Variants in SRP72 observed in about 807,000 individuals in gnomAD.
SRP72 encodes signal recognition particle subunit SRP72.
Under a neutral mutation model 96.3 loss-of-function variants are expected in SRP72, and 49 were observed. The observed-to-expected ratio is 0.51, with a 90% CI of 0.40 to 0.65. SRP72 has a LOEUF of 0.65. Among genes scored for constraint, SRP72 ranks in the 30% least tolerant of loss-of-function variants. The pLI is 0.00. For missense variants in SRP72, 736 were observed against 793.3 expected, an observed-to-expected ratio of 0.93 and a Z score of 0.87; for synonymous variants, 267 against 275.2, an observed-to-expected ratio of 0.97 and a Z score of 0.30.
Position 56,500,506 on chromosome 4 carries a change from A to C in SRP72, c.1679-30A>C, listed in dbSNP as rs201158077. On this transcript the variant is annotated intron_variant, in intron 17 of 18. Coordinates refer to ENST00000642900, the MANE Select transcript of SRP72 (RefSeq NM_006947.4). ...AACTATCTTGAAAATATTATGACACATCTCTCATTTCTTTATAATCGTTAT... is the reference window on the plus strand; with the variant it reads ...AACTATCTTGAAAATATTATGACACCTCTCTCATTTCTTTATAATCGTTAT... The C allele has an allele frequency of 1.6e-5, 26 of 1,601,986 alleles. No homozygotes were observed. The East Asian group carries it at 5.8e-4, about 36-fold the overall frequency.
In SRP72 at chr4:56,492,053, C is replaced by T. The variant is rs576533614; in HGVS notation, c.1640+485C>T. ...AGGGTTTCACCCTTTTGACCAGGTT[C>T]GTCTTGAACTCCTGACCTCAAGTGA... On this transcript the variant is annotated intron_variant, in intron 16 of 18. Transcript: ENST00000642900. Among the ~76,000 whole-genome samples, 7 of 152,220 alleles carry T rather than the reference C, an allele frequency of 4.6e-5. No homozygotes were observed. The South Asian group carries it at 6.2e-4, about 14-fold the overall frequency.
intron 3 of SRP72, among the ~76,000 whole-genome samples, chr4:56,472,399 G>T (rs577592055): frequency 6.8e-6 from 1 of 147,128 alleles, no homozygotes; most frequent in Admixed American, 6.9e-5. Flanking sequence ...AGGCTGGAGT[G>T]CAGTGGCACT....
chr4:56,499,704 G>A (rs1258701701), intron 17 of SRP72, among the ~76,000 whole-genome samples: 1 of 152,130 alleles, frequency 6.6e-6, no homozygotes, highest in Middle Eastern at 3.2e-3. Context: ...TCATTAAAAA[G>A]TCAGGAAACA....
intron 3 of SRP72, 95 bp from the exon 4 acceptor site, chr4:56,473,959 G>T: frequency 8.1e-7 from 1 of 1,236,100 alleles, no homozygotes; most frequent in Middle Eastern, 2.3e-4. Context: ...GCTGAACTAG[G>T]ATTCCTACTT....
chr4:56,500,713 A>T lies in SRP72; in HGVS notation c.1838+18A>T. The T allele has an allele frequency of 6.2e-7, 1 of 1,605,556 alleles. No homozygotes were observed. Among genetic ancestry groups the T allele is most frequent in the South Asian group, 1.1e-5 (1 of 90,138 alleles). ...TCTGAACTGTAAGTTATTGCTCCAC[A>T]ATTGAGGGCACTTAGAACATACGTT... On this transcript the variant is annotated intron_variant, in intron 18 of 18. Transcript: ENST00000642900.
intron 9 of SRP72, among the ~76,000 whole-genome samples, chr4:56,484,305 A>C (rs1204467025): frequency 6.6e-6 from 1 of 152,038 alleles, no homozygotes; most frequent in Non-Finnish European, 1.5e-5. Flanking sequence ...AAGTCCTGGG[A>C]TTACAGGCAT....
At chr4:56,496,606 C>G (rs1417022601) in intron 17 of SRP72, among the ~76,000 whole-genome samples, 2 of 152,010 alleles carry the variant, frequency 1.3e-5, no homozygotes, top group Non-Finnish European at 2.9e-5. Context: ...TTTAAATTTA[C>G]AAGTGATATA....
rs1312693797 is a variant in SRP72 at position 56,474,090 on chromosome 4, G to A, written c.391G>A (p.Val131Met). Residue 131 changes from valine (V) to methionine (M), a missense_variant, in exon 4 of 19, where the codon GTG becomes ATG. This residue lies in a region of SRP72 where 329 missense variants were observed against 319.0 expected (regional missense o/e 1.03). Transcript: ENST00000642900. ...RLERYDECLAVYRDLVRNSQD... is the reference protein window; with the variant it reads ...RLERYDECLAMYRDLVRNSQD... ...GGAACGCTATGATGAATGCTTAGCA[G>A]TGTATAGAGATCTCGTCCGAAACTC... 2 of 1,614,114 alleles carry A rather than the reference G, an allele frequency of 1.2e-6. No individual in the cohort carries two copies. The highest frequency in any genetic ancestry group is 1.1e-5 in the South Asian group (1 of 91,078).
chr4:56,470,624 T>G (rs111971933), intron 2 of SRP72, among the ~76,000 whole-genome samples: 1,654 of 152,244 alleles, frequency 0.011, 28 homozygotes, highest in African/African-American at 0.038. Context: ...AGTGTATCTC[T>G]TTTTCTTTTT....
At chr4:56,482,434 C>G (rs146841623) in intron 8 of SRP72, among the ~76,000 whole-genome samples, 1 of 143,144 alleles carries the variant, frequency 7.0e-6, no homozygotes, top group African/African-American at 2.7e-5. Flanking sequence ...GGTGACAGAG[C>G]GAGACTCCAT....
At position 56,478,523 on chromosome 4, in the gene SRP72, TG is replaced by T. The variant is rs1241210668; in HGVS notation, c.767+21del. On this transcript the variant is annotated intron_variant, in intron 7 of 18. Coordinates refer to ENST00000642900, the MANE Select transcript of SRP72 (RefSeq NM_006947.4). ...ACTAAAGTGAGTTATTAAAAGGAAG[TG>T]TCTTTTATAGGGGATGGGGTTCTTT... 2.5e-6 allele frequency: 4 copies of T among 1,613,328 alleles called. No homozygotes were observed. The highest frequency in any genetic ancestry group is 2.5e-6 in the Non-Finnish European group (3 of 1,179,820).
intron 8 of SRP72, among the ~76,000 whole-genome samples, chr4:56,479,543 G>A (rs1185278243): frequency 8.0e-6 from 1 of 124,822 alleles, no homozygotes; most frequent in Admixed American, 8.8e-5. Context: ...TTTTGAGACT[G>A]TCACCCAGGC....
rs1721274534 is a variant in SRP72, at chr4:56,501,952, C to T, written c.*91C>T. The T allele has an allele frequency of 2.3e-6, 3 of 1,277,020 alleles. No homozygotes were observed. The highest frequency in any genetic ancestry group is 3.4e-6 in the Non-Finnish European group (3 of 891,608). 79.1% of individuals were successfully genotyped at this position (1,277,020 alleles called of 1,614,324 possible). A position where few individuals can be genotyped will look rare whatever the true frequency, so the allele number is the denominator to read the frequency against. ...TAACACAGCAAGAAGCACAGAACTA[C>T]TCCCTCTTCATCTCCATATTTTCAT... On this transcript the variant is annotated 3_prime_UTR_variant, in exon 19 of 19. Coordinates refer to ENST00000642900, the MANE Select transcript of SRP72 (RefSeq NM_006947.4).
intron 11 of SRP72, among the ~76,000 whole-genome samples, chr4:56,486,721 C>T (rs1273995865): frequency 2.0e-5 from 3 of 152,148 alleles, no homozygotes; most frequent in East Asian, 1.9e-4. Flanking sequence ...TGCTTATGTC[C>T]GTCACTTGGT....
intron 2 of SRP72, among the ~76,000 whole-genome samples, chr4:56,471,227 T>C (rs964659154): frequency 1.3e-5 from 2 of 152,268 alleles, no homozygotes; most frequent in African/African-American, 4.8e-5. Flanking sequence ...AGATGAATTT[T>C]TAAGTGTGTG....
chr4:56,483,148 G>A lies in SRP72; in HGVS notation c.835G>A (p.Val279Ile), dbSNP rs754343621. The A allele has an allele frequency of 1.9e-6, 3 of 1,610,074 alleles. No homozygotes were observed. The highest frequency in any genetic ancestry group is 2.5e-6 in the Non-Finnish European group (3 of 1,179,200). The change falls in exon 9 of 19, where the codon GTC becomes ATC. Residue 279 changes from valine (V) to isoleucine (I), a missense_variant. Transcript: ENST00000642900. ...NIITINKDQN[V>I]FDSKKKVKLT... is the part of the protein sequence containing the mutation. Reference sequence around the variant, plus strand: ...AACTTTTCTTTGTTAGGACCAAAATGTCTTTGACTCCAAGAAGAAAGTGAA... The same window carrying A: ...AACTTTTCTTTGTTAGGACCAAAATATCTTTGACTCCAAGAAGAAAGTGAA...
chr4:56,489,192 A>G (rs1203259702), intron 12 of SRP72, 196 bp from the exon 13 acceptor site: 6 of 415,600 alleles, frequency 1.4e-5, no homozygotes, highest in Non-Finnish European at 2.6e-5. Flanking sequence ...ATCTACCTTC[A>G]TATTTGGAAA....
intron 1 of SRP72, among the ~76,000 whole-genome samples, chr4:56,468,875 T>C (rs1354114316): frequency 6.6e-6 from 1 of 152,236 alleles, no homozygotes; most frequent in East Asian, 1.9e-4. Flanking sequence ...TATGTTTTCT[T>C]AATTGGTAGA....
chr4:56,478,530 T>C (rs199825030), intron 7 of SRP72, 27 bp downstream of exon 7: 1 of 1,613,344 alleles, frequency 6.2e-7, no homozygotes, highest in East Asian at 2.2e-5. Flanking sequence ...AAGTGTCTTT[T>C]ATAGGGGATG....
Sources: gnomAD v4.1 joint callset for allele counts (sites outside exome capture counted in the v4.1 genomes callset) on GRCh38, gnomAD v4.1.1 for gene constraint, gnomAD v4.1.1 regional missense constraint, MANE v1.5 for transcripts, NCBI Gene and HGNC (gene_info 2026-07-23, HGNC 2026-07-21) for gene names.